The following STARD6 variants were observed in gnomAD, a reference collection of about 807,000 sequenced individuals.
STARD6 encodes the protein stAR-related lipid transfer protein 6.
In STARD6, 21 loss-of-function variants were observed where a neutral mutation model predicts 22.3. That is an observed-to-expected ratio of 0.94 (90% CI 0.67 to 1.35). The LOEUF is 1.35. Ranked by LOEUF, STARD6 falls within the 40% of genes most tolerant of loss-of-function variation. The probability of loss-of-function intolerance (pLI) is 0.00; values close to 1 mark genes in which losing one functional copy is unlikely to be tolerated. For synonymous variants in STARD6, 80 were observed against 88.1 expected, an observed-to-expected ratio of 0.91 and a Z score of 0.52; for missense variants, 269 against 266.9, an observed-to-expected ratio of 1.01 and a Z score of -0.05.
intron 4 of STARD6, among the ~76,000 whole-genome samples, chr18:54,345,761 A>G (rs1008574348): frequency 3.9e-5 from 6 of 152,196 alleles, no homozygotes; most frequent in African/African-American, 1.4e-4. Flanking sequence ...ATAATTAAGC[A>G]TCCAAAGGAA....
rs1425566931 is a variant in STARD6 at position 54,324,586 on chromosome 18, C to T, written c.*106G>A. 3.7e-6 allele frequency: 4 copies of T among 1,085,412 alleles called. No homozygotes were observed. Among genetic ancestry groups the T allele is most frequent in the African/African-American group, 1.6e-5 (1 of 62,272 alleles). The allele number at this position is 1,085,412 out of a possible 1,614,324, so 67.2% of individuals were successfully genotyped here. On this transcript the variant is annotated 3_prime_UTR_variant, in exon 8 of 8. Coordinates refer to ENST00000307844, the MANE Select transcript of STARD6 (RefSeq NM_139171.2). ...TCAGCCATGTGTACAAGAATACTGT[C>T]TAGAATAGTTTAACAGTATTATTTA...
intron 4 of STARD6, among the ~76,000 whole-genome samples, chr18:54,341,443 C>T (rs2088968682): frequency 6.6e-6 from 1 of 152,140 alleles, no homozygotes. Context: ...ATCTAAGAGA[C>T]ACCTATGGAA....
At chr18:54,339,358 A>G (rs1000259451) in intron 4 of STARD6, among the ~76,000 whole-genome samples, 3 of 151,944 alleles carry the variant, frequency 2.0e-5, no homozygotes, top group African/African-American at 7.2e-5. Flanking sequence ...ATTTGTAGGA[A>G]AATACTACAT....
intron 5 of STARD6, among the ~76,000 whole-genome samples, chr18:54,334,381 C>T (rs145981555): frequency 7.9e-5 from 12 of 152,246 alleles, no homozygotes; most frequent in African/African-American, 2.9e-4. Flanking sequence ...TAAATCAAAT[C>T]AGTCACTTCC....
At chr18:54,351,113 G>A (rs2089092138) in intron 4 of STARD6, among the ~76,000 whole-genome samples, 3 of 152,288 alleles carry the variant, frequency 2.0e-5, no homozygotes, top group Admixed American at 2.0e-4. Flanking sequence ...TCATCCATGA[G>A]CATGGGATGT....
chr18:54,338,696 A>C (rs1336119174), intron 4 of STARD6, among the ~76,000 whole-genome samples: 1 of 152,096 alleles, frequency 6.6e-6, no homozygotes, highest in Non-Finnish European at 1.5e-5. Flanking sequence ...TAGGAAAAAC[A>C]GCAAGCAGGA....
At chr18:54,346,383 A>G (rs2089036021) in intron 4 of STARD6, among the ~76,000 whole-genome samples, 1 of 152,136 alleles carries the variant, frequency 6.6e-6, no homozygotes, top group Non-Finnish European at 1.5e-5. Context: ...CAACTAGGAT[A>G]GCTATAATCA....
chr18:54,354,582 A>G lies in STARD6; in HGVS notation c.-4-5T>C. On this transcript the variant is annotated splice_region_variant and splice_polypyrimidine_tract_variant and intron_variant, in intron 2 of 7. Coordinates refer to ENST00000307844, the MANE Select transcript of STARD6 (RefSeq NM_139171.2). ...ATTGCCTTGAAGTCCATCTATCTGC[A>G]AGTTTTAAAAACAAACAACTGGTAA... 1 of 1,605,072 alleles carries G rather than the reference A, an allele frequency of 6.2e-7. No homozygotes were observed. The highest frequency in any genetic ancestry group is 2.2e-5 in the East Asian group (1 of 44,812).
chr18:54,353,847 CTGAT>C, intron 4 of STARD6: 1 of 354,828 alleles, frequency 2.8e-6, no homozygotes, highest in Non-Finnish European at 5.0e-6. Context: ...GATTTTTTAT[CTGAT>C]TGTCATCAGA....
At chr18:54,356,329 C>T (rs921524545) in intron 2 of STARD6, 32 bp downstream of exon 2, 6 of 152,188 alleles carry the variant, frequency 3.9e-5, no homozygotes, top group Non-Finnish European at 5.9e-5. Context: ...ATTATAACCT[C>T]CTCTTTCCTA....
At chr18:54,325,045 G>T (rs118123068) in intron 7 of STARD6, among the ~76,000 whole-genome samples, 170 bp from the exon 8 acceptor site, 3,831 of 151,930 alleles carry the variant, frequency 0.025, 70 homozygotes, top group Non-Finnish European at 0.038. Context: ...TGAGTTTTAG[G>T]CACCATTTCC....
intron 7 of STARD6, among the ~76,000 whole-genome samples, chr18:54,326,326 C>CTTTTTTTTTTTTT (rs11353724): frequency 3.3e-5 from 4 of 120,274 alleles, no homozygotes; most frequent in Non-Finnish European, 5.1e-5. Flanking sequence ...GCTGACAGGT[C>CTTTTTTTTTTTTT]TTTTTTTTTT....
intron 4 of STARD6, among the ~76,000 whole-genome samples, chr18:54,344,632 T>C (rs1599306939): frequency 6.7e-6 from 1 of 149,606 alleles, no homozygotes. Context: ...GTATCTCTTA[T>C]GTATATGCAA....
intron 4 of STARD6, among the ~76,000 whole-genome samples, chr18:54,345,907 C>T (rs1416102668): frequency 6.6e-6 from 1 of 152,158 alleles, no homozygotes; most frequent in Non-Finnish European, 1.5e-5. Flanking sequence ...TCCTGCCTCA[C>T]ACCATACAGA....
rs1181744123 is a variant in STARD6, at chr18:54,343,516, C to T, written c.141-6265G>A. On this transcript the variant is annotated intron_variant, in intron 4 of 7. Transcript: ENST00000307844. ...CTGGGAAGTGAGGAGCCCCTCTGCC[C>T]GGCCAGCCGCCCCGTCCGGGAGGGA... 6.7e-5 allele frequency among the ~76,000 whole-genome samples: 6 copies of T among 89,622 alleles called. No individual in the cohort carries two copies. The East Asian group carries it at 9.9e-4, about 15-fold the overall frequency. The allele number at this position is 89,622 out of a possible 152,430, so 58.8% of individuals were successfully genotyped here.
At chr18:54,333,669 A>G (rs1246342737) in intron 5 of STARD6, among the ~76,000 whole-genome samples, 1 of 152,208 alleles carries the variant, frequency 6.6e-6, no homozygotes, top group African/African-American at 2.4e-5. Flanking sequence ...AGGACTTTCT[A>G]CAAGATGAAA....
At chr18:54,355,637 C>G (rs1246876276) in intron 2 of STARD6, 11 of 152,154 alleles carry the variant, frequency 7.2e-5, no homozygotes, top group Admixed American at 7.2e-4. Flanking sequence ...TTCCAGGATC[C>G]AGAACTCTGA....
chr18:54,324,538 GTTC>G lies in STARD6; in HGVS notation c.*151_*153del, dbSNP rs1465851283. 20 of 614,520 alleles carry G rather than the reference GTTC, an allele frequency of 3.3e-5. No homozygotes were observed. The highest frequency in any genetic ancestry group is 5.2e-5 in the Non-Finnish European group (20 of 385,644). 38.1% of individuals were successfully genotyped at this position (614,520 alleles called of 1,614,324 possible). A position where few individuals can be genotyped will look rare whatever the true frequency, so the allele number is the denominator to read the frequency against. On this transcript the variant is annotated 3_prime_UTR_variant, in exon 8 of 8. Transcript: ENST00000307844. ...ATGCCATATTCTTGTACAACTATGA[GTTC>G]TTATTTTTATGAACTATCTTCAGCC...
intron 7 of STARD6, 58 bp downstream of exon 7, chr18:54,329,289 A>G: frequency 7.2e-7 from 1 of 1,390,064 alleles, no homozygotes; most frequent in Non-Finnish European, 9.8e-7. Context: ...ATCTTAAACT[A>G]AATCACAAGT....
Sources: allele counts gnomAD v4.1 joint callset (sites outside exome capture counted in the v4.1 genomes callset), GRCh38; gene constraint gnomAD v4.1.1; transcripts MANE v1.5; gene names NCBI Gene and HGNC (gene_info 2026-07-23, HGNC 2026-07-21).